FAT4: variants seen among roughly 807,000 people sequenced by gnomAD.
FAT4 encodes FAT atypical cadherin 4.
In FAT4, 84 loss-of-function variants were observed where a neutral mutation model predicts 303.9. The ratio of observed to expected loss-of-function variants is 0.28; its 90% CI spans 0.23 to 0.33. FAT4 has a LOEUF of 0.33. FAT4 is among the 10% of genes least tolerant of loss of function. FAT4 has a pLI of 1.00. For missense variants in FAT4, 6,005 were observed against 6,146.8 expected (o/e 0.98, Z 0.77); for synonymous variants, 2,307 against 2,298.8 (o/e 1.00, Z -0.10).
intron 2 of FAT4, among the ~76,000 whole-genome samples, chr4:125,351,961 G>T (rs1177925914): frequency 4.0e-5 from 6 of 151,644 alleles, no homozygotes; most frequent in African/African-American, 1.5e-4. Flanking sequence ...GCTAATTCCA[G>T]AACGGTTGAT....
chr4:125,402,813 C>T (rs1036593665), intron 3 of FAT4, among the ~76,000 whole-genome samples: 5 of 151,942 alleles, frequency 3.3e-5, no homozygotes, highest in African/African-American at 7.2e-5. Flanking sequence ...TCATTGAGAG[C>T]TCTGTGTCTT....
intron 8 of FAT4, 62 bp from the exon 9 acceptor site, chr4:125,446,231 G>T (rs1318240757): frequency 7.3e-7 from 1 of 1,378,914 alleles, no homozygotes. Flanking sequence ...TTTAATTATA[G>T]TAAATAGAAG....
rs145573597 is a variant in FAT4, at chr4:125,415,049, C to T, written c.6086C>T (p.Ser2029Phe). The part of the protein sequence containing the change: ...QVHDLPQIPA[S>F]RFTSTAQVSI... The stretch of plus-strand genomic sequence containing the variant: ...CATGACCTGCCACAGATTCCAGCCT[C>T]CAGATTCACAAGCACTGCTCAAGTC... The change falls in exon 6 of 18, where the codon TCC (serine) becomes TTC (phenylalanine). Residue 2029 changes from serine (S) to phenylalanine (F), a missense_variant. Coordinates refer to ENST00000394329, the MANE Select transcript of FAT4 (RefSeq NM_001291303.3). 14 of 1,613,930 alleles carry T rather than the reference C, an allele frequency of 8.7e-6. No individual in the cohort carries two copies. In the African/African-American group the frequency reaches 1.3e-4, roughly 15 times the overall value.
In FAT4 at chr4:125,479,759, C is replaced by A; in HGVS notation, c.12498C>A (p.Gly4166=). ...ATTTTAGATGCCCTAGGCTGGAAGG[C>A]GCTTGTACTCGCAGCCCATGCCAAC... ...GILDQCPRLE[G]ACTRSPCQHG... Residue 4166 remains glycine (G), a synonymous_variant, in exon 15 of 18, where the codon GGC becomes GGA. Coordinates refer to ENST00000394329, the MANE Select transcript of FAT4 (RefSeq NM_001291303.3). 6.3e-7 allele frequency: 1 copy of A among 1,594,888 alleles called. No homozygotes were observed.
At chr4:125,434,489 A>G in intron 8 of FAT4, 64 bp downstream of exon 8, 1 of 1,374,276 alleles carries the variant, frequency 7.3e-7, no homozygotes, top group Non-Finnish European at 1.0e-6. Context: ...TTTGAACTAC[A>G]TGAATATAAT....
chr4:125,450,701 A>G lies in FAT4; in HGVS notation c.9691A>G (p.Ile3231Val), dbSNP rs1020283473. 4 of 1,613,994 alleles carry G rather than the reference A, an allele frequency of 2.5e-6. No individual in the cohort carries two copies. Among genetic ancestry groups the G allele is most frequent in the East Asian group, 2.2e-5 (1 of 44,856 alleles). The change falls in exon 10 of 18, where the codon ATT (isoleucine) becomes GTT (valine). Residue 3231 changes from isoleucine to valine, a missense_variant. Physicochemically the swap from Ile to Val is conservative, Grantham distance 29. Coordinates refer to ENST00000394329, the MANE Select transcript of FAT4 (RefSeq NM_001291303.3). ...TDADSGTNAV[I>V]AYTVQSSDSD... The stretch of plus-strand genomic sequence containing the variant: ...TGCTGACTCTGGAACAAATGCTGTG[A>G]TTGCGTATACTGTACAGTCATCTGA...
At chr4:125,387,790 C>T (rs1733811854) in intron 2 of FAT4, among the ~76,000 whole-genome samples, 1 of 152,132 alleles carries the variant, frequency 6.6e-6, no homozygotes, top group South Asian at 2.1e-4. Context: ...CTTTGTGCTG[C>T]TCATGTTAGA....
At chr4:125,393,947 G>C (rs1190754800) in intron 2 of FAT4, 2 of 779,970 alleles carry the variant, frequency 2.6e-6, no homozygotes, top group Admixed American at 3.4e-5. Context: ...TGGTAACAAC[G>C]GTAGTGGCAG....
In FAT4 at chr4:125,319,567, G is replaced by T; in HGVS notation, c.3156G>T (p.Leu1052Phe). ...DAFGIFPDGQ[L>F]YIKSELDREL... ...TTGGCATATTCCCAGATGGTCAATTGTATATAAAAAGTGAACTGGACCGTG... is the reference window on the plus strand; with the variant it reads ...TTGGCATATTCCCAGATGGTCAATTTTATATAAAAAGTGAACTGGACCGTG... Residue 1052 changes from leucine (L) to phenylalanine (F), a missense_variant, in exon 2 of 18, where the codon TTG becomes TTT. Coordinates refer to ENST00000394329, the MANE Select transcript of FAT4 (RefSeq NM_001291303.3). The T allele has an allele frequency of 6.2e-7, 1 of 1,614,124 alleles. No homozygotes were observed. The highest frequency in any genetic ancestry group is 8.5e-7 in the Non-Finnish European group (1 of 1,179,982).
At chr4:125,346,044 C>G (rs1731988408) in intron 2 of FAT4, among the ~76,000 whole-genome samples, 1 of 151,958 alleles carries the variant, frequency 6.6e-6, no homozygotes, top group African/African-American at 2.4e-5. Context: ...ACTTTGTTAG[C>G]CCAAACACTA....
At chr4:125,439,560 C>T (rs986257055) in intron 8 of FAT4, among the ~76,000 whole-genome samples, 20 of 151,470 alleles carry the variant, frequency 1.3e-4, no homozygotes, top group African/African-American at 4.4e-4. Context: ...AGGATGGTCT[C>T]GATCTTCTGA....
At position 125,320,231 on chromosome 4, in the gene FAT4, G is replaced by T. The variant is rs1017755580; in HGVS notation, c.3820G>T (p.Asp1274Tyr). Residue 1274 changes from aspartate to tyrosine, a missense_variant, in exon 2 of 18, where the codon GAC (aspartate) becomes TAC (tyrosine). Coordinates refer to ENST00000394329, the MANE Select transcript of FAT4 (RefSeq NM_001291303.3). Reference protein sequence around the residue: ...SGQVTLIGKLDYEATPAYSLV... With the variant: ...SGQVTLIGKLYYEATPAYSLV... ...TCAGGTAACACTAATTGGCAAATTA[G>T]ACTATGAAGCAACACCTGCCTATTC... 1 of 1,614,136 alleles carries T rather than the reference G, an allele frequency of 6.2e-7. No homozygotes were observed. Among genetic ancestry groups the T allele is most frequent in the Non-Finnish European group, 8.5e-7 (1 of 1,179,990 alleles).
intron 2 of FAT4, among the ~76,000 whole-genome samples, chr4:125,337,896 A>C (rs1019282936): frequency 4.6e-5 from 7 of 151,520 alleles, no homozygotes; most frequent in Non-Finnish European, 1.0e-4. Context: ...CCCCAAGAGT[A>C]TCACAGTATC....
rs142783075 is a variant in FAT4 at position 125,348,230 on chromosome 4, T to G, written c.5175+26644T>G. ...CATTGTAGTTTCTATACGAAGCATA[T>G]TTAAGGAAATAATGTTTATCACATA... On this transcript the variant is annotated intron_variant, in intron 2 of 17. Coordinates refer to ENST00000394329, the MANE Select transcript of FAT4 (RefSeq NM_001291303.3). Among the ~76,000 whole-genome samples, 709 of 152,000 alleles carry G rather than the reference T, an allele frequency of 4.7e-3. 9 individuals carry two copies. The highest frequency in any genetic ancestry group is 0.016 in the African/African-American group (682 of 41,516).
At chr4:125,472,878 G>A (rs758468768) in intron 12 of FAT4, among the ~76,000 whole-genome samples, 3 of 152,090 alleles carry the variant, frequency 2.0e-5, no homozygotes, top group Non-Finnish European at 4.4e-5. Flanking sequence ...GGTCCTACCA[G>A]GTTATTAAAT....
intron 4 of FAT4, 91 bp from the exon 5 acceptor site, chr4:125,408,353 A>G (rs1734702803): frequency 3.9e-6 from 3 of 764,820 alleles, no homozygotes; most frequent in Admixed American, 5.1e-5. Context: ...ATTTTACTGT[A>G]CAAATACATT....
intron 11 of FAT4, 142 bp downstream of exon 11, chr4:125,463,809 T>C (rs756253868): frequency 6.4e-5 from 33 of 512,876 alleles, no homozygotes; most frequent in Non-Finnish European, 1.0e-4. Flanking sequence ...CTTAAATGTT[T>C]AACATTTGTA....
rs746938508 is a variant in FAT4, at chr4:125,491,198, G to A, written c.14382G>A (p.Val4794=). The change falls in exon 18 of 18, where the codon GTG becomes GTA. Residue 4794 remains valine, a synonymous_variant. Coordinates refer to ENST00000394329, the MANE Select transcript of FAT4 (RefSeq NM_001291303.3). ...SPPVGLSIEE[V]ERLNTPRPRN... ...CAGTCGGACTTTCTATTGAAGAAGT[G>A]GAGAGGCTCAACACACCTCGCCCTA... The A allele has an allele frequency of 2.5e-6, 4 of 1,614,086 alleles. No homozygotes were observed. Among genetic ancestry groups the A allele is most frequent in the South Asian group, 2.2e-5 (2 of 91,078 alleles).
intron 2 of FAT4, among the ~76,000 whole-genome samples, chr4:125,323,859 A>G (rs1242689172): frequency 6.6e-6 from 1 of 152,204 alleles, no homozygotes; most frequent in Non-Finnish European, 1.5e-5. Context: ...GTACACTGAT[A>G]AGAGTCTGGG....
Sources: allele counts gnomAD v4.1 joint callset (sites outside exome capture counted in the v4.1 genomes callset), GRCh38; gene constraint gnomAD v4.1.1; transcripts MANE v1.5; gene names NCBI Gene and HGNC (gene_info 2026-07-23, HGNC 2026-07-21).